Variants in ERC1 observed in about 807,000 individuals in gnomAD.
ERC1 encodes ELKS/RAB6-interacting/CAST family member 1.
A neutral mutation model predicts 132.0 loss-of-function variants in ERC1; 56 were observed. The ratio of observed to expected loss-of-function variants is 0.42; its 90% CI spans 0.34 to 0.53. ERC1 has a LOEUF of 0.53. Ranked by LOEUF, ERC1 falls within the 20% of genes least tolerant of loss-of-function variation. The probability of loss-of-function intolerance (pLI) is 0.03; values close to 1 mark genes in which losing one functional copy is unlikely to be tolerated. For missense variants in ERC1, 1,202 were observed against 1,349.9 expected (o/e 0.89, Z 1.72); for synonymous variants, 478 against 476.1 (o/e 1.00, Z -0.05).
chr12:1,204,842 GCT>G (rs928009531), intron 12 of ERC1, among the ~76,000 whole-genome samples: 34 of 152,272 alleles, frequency 2.2e-4, no homozygotes, highest in African/African-American at 7.7e-4. Flanking sequence ...AGACATTCTG[GCT>G]ATTAAACGGG....
intron 17 of ERC1, among the ~76,000 whole-genome samples, chr12:1,428,818 A>T (rs200721850): frequency 1.3e-5 from 2 of 152,344 alleles, no homozygotes; most frequent in East Asian, 3.9e-4. Flanking sequence ...TATCAACCAA[A>T]ATAAAAGAGC....
chr12:1,211,008 G>A (rs1594248957), intron 12 of ERC1, among the ~76,000 whole-genome samples: 1 of 151,600 alleles, frequency 6.6e-6, no homozygotes, highest in African/African-American at 2.4e-5. Context: ...AATGTAGCTA[G>A]CTGTTTGGCC....
In ERC1 at chr12:1,028,300, G is replaced by A. The variant is rs1967257200; in HGVS notation, c.397G>A (p.Val133Met). 2 of 1,614,058 alleles carry A rather than the reference G, an allele frequency of 1.2e-6. No homozygotes were observed. The highest frequency in any genetic ancestry group is 1.1e-5 in the South Asian group (1 of 91,086). ...ATTTGGAGAGCATCACCTCCCTCCT[G>A]TGAGTATGGCATCCACTGTACCTCA... ...IAFGEHHLPP[V>M]SMASTVPHSL... The change falls in exon 2 of 19, where the codon GTG becomes ATG. Residue 133 changes from valine to methionine, a missense_variant. Val to Met is a conservative substitution (Grantham distance 21). Transcript: ENST00000360905.
intron 18 of ERC1, among the ~76,000 whole-genome samples, chr12:1,484,122 G>A (rs534670811): frequency 0.044 from 6,674 of 151,408 alleles, 501 homozygotes; most frequent in African/African-American, 0.15. Flanking sequence ...TGGCTAACAT[G>A]GTGAAACCCC....
chr12:1,324,547 T>C (rs2082325784), intron 15 of ERC1, among the ~76,000 whole-genome samples: 1 of 152,156 alleles, frequency 6.6e-6, no homozygotes, highest in Non-Finnish European at 1.5e-5. Flanking sequence ...ACTGGGGTAA[T>C]CCAGTCAGAG....
chr12:1,103,064 A>G (rs1944857788), intron 3 of ERC1, among the ~76,000 whole-genome samples: 1 of 152,094 alleles, frequency 6.6e-6, no homozygotes, highest in Non-Finnish European at 1.5e-5. Flanking sequence ...GCATGACGTC[A>G]TTTTCCTCTG....
At chr12:1,313,965 CAG>C (rs1834032348) in intron 15 of ERC1, among the ~76,000 whole-genome samples, 1 of 152,116 alleles carries the variant, frequency 6.6e-6, no homozygotes, top group African/African-American at 2.4e-5. Context: ...GCCTGGGCAA[CAG>C]AGTGAGACTC....
chr12:1,208,104 G>A lies in ERC1; in HGVS notation c.2351+18052G>A, dbSNP rs113482293. On this transcript the variant is annotated intron_variant, in intron 12 of 18. Transcript: ENST00000360905. ...TATATGAATTGGATGACATTTTCCC[G>A]TTTCACAGATCAGAAAATTGACTTT... Among the ~76,000 whole-genome samples the A allele has an allele frequency of 1.3e-3, 191 of 152,170 alleles. 1 individual carries two copies. Among genetic ancestry groups the A allele is most frequent in the African/African-American group, 4.0e-3 (165 of 41,486 alleles).
chr12:1,012,493 A>G (rs2154139745), intron 1 of ERC1, among the ~76,000 whole-genome samples: 1 of 59,650 alleles, frequency 1.7e-5, no homozygotes, highest in African/African-American at 6.5e-5. Context: ...TTTTTTTTTG[A>G]GACAGAGTCT....
At chr12:1,105,727 A>T (rs947818849) in intron 4 of ERC1, among the ~76,000 whole-genome samples, 1 of 152,188 alleles carries the variant, frequency 6.6e-6, no homozygotes, top group Non-Finnish European at 1.5e-5. Context: ...TCTTTTAAAA[A>T]TTTTATTTCT....
At chr12:1,342,464 G>A (rs2084000916) in intron 15 of ERC1, among the ~76,000 whole-genome samples, 1 of 122,478 alleles carries the variant, frequency 8.2e-6, no homozygotes, top group Admixed American at 8.2e-5. Flanking sequence ...GCGAAACTCT[G>A]TCTCAAAAAA....
intron 14 of ERC1, among the ~76,000 whole-genome samples, chr12:1,285,494 G>C (rs933007445): frequency 7.9e-5 from 12 of 151,990 alleles, no homozygotes; most frequent in Non-Finnish European, 1.5e-4. Context: ...AATGATAGAG[G>C]GTTCACAACT....
intron 12 of ERC1, among the ~76,000 whole-genome samples, chr12:1,222,806 A>G (rs559126692): frequency 1.2e-4 from 18 of 152,344 alleles, no homozygotes; most frequent in South Asian, 2.1e-4. Context: ...CAAAACAGCC[A>G]GTAGAATTGT....
intron 2 of ERC1, among the ~76,000 whole-genome samples, chr12:1,031,631 C>A (rs895097032): frequency 2.0e-5 from 3 of 152,088 alleles, no homozygotes; most frequent in African/African-American, 4.8e-5. Flanking sequence ...ACTTTTTAAT[C>A]AATTATTAAG....
intron 17 of ERC1, among the ~76,000 whole-genome samples, chr12:1,440,272 T>C (rs34598688): frequency 1.4e-5 from 2 of 141,012 alleles, no homozygotes; most frequent in Non-Finnish European, 3.0e-5. Context: ...TGGTGCCATC[T>C]CGGCTCACTG....
chr12:1,185,009 C>CA (rs1458287195), intron 11 of ERC1, among the ~76,000 whole-genome samples: 2 of 152,190 alleles, frequency 1.3e-5, no homozygotes, highest in African/African-American at 4.8e-5. Context: ...CTCCCGGTCT[C>CA]AGGTGATTCT....
chr12:1,151,296 G>A (rs1243582959), intron 8 of ERC1, among the ~76,000 whole-genome samples: 1 of 152,188 alleles, frequency 6.6e-6, no homozygotes, highest in Non-Finnish European at 1.5e-5. Context: ...CATTAAGGTT[G>A]TATGAATTTA....
rs1256677671 is a variant in ERC1 at position 1,400,908 on chromosome 12, ATTTTTGTATTTTTTTTTTTTT to A, written c.2926-7235_2926-7215del. ...CTTCTCATTCAATATTGTTTTGGCT[ATTTTTGTATTTTTTTTTTTTT>A]TTTTTTTTTTTTTTTTTTTTTTTTG... On this transcript the variant is annotated intron_variant, in intron 16 of 18. Coordinates refer to ENST00000360905, the MANE Select transcript of ERC1 (RefSeq NM_178040.4). 8.1e-4 allele frequency among the ~76,000 whole-genome samples: 35 copies of A among 43,408 alleles called. 2 individuals are homozygous for A. Among genetic ancestry groups the A allele is most frequent in the Admixed American group, 1.6e-3 (6 of 3,790 alleles). The allele number at this position is 43,408 out of a possible 152,430, so 28.5% of individuals were successfully genotyped here. A position where few individuals can be genotyped will look rare whatever the true frequency, so the allele number is the denominator to read the frequency against.
chr12:1,289,084 T>TACACAC lies in ERC1; in HGVS notation c.2620-726_2620-721dup, dbSNP rs57334239. On this transcript the variant is annotated intron_variant, in intron 14 of 18. Transcript: ENST00000360905. ...TTCTGTCTCCTTTCTATCTGGTATGTACACACACACACACACACACACACA... is the reference window on the plus strand; with the variant it reads ...TTCTGTCTCCTTTCTATCTGGTATGTACACACACACACACACACACACACACACACA... 3.0e-3 allele frequency among the ~76,000 whole-genome samples: 310 copies of TACACAC among 102,874 alleles called. 3 individuals are homozygous for TACACAC. Among genetic ancestry groups the TACACAC allele is most frequent in the East Asian group, 0.027 (98 of 3,634 alleles). 67.5% of individuals were successfully genotyped at this position (102,874 alleles called of 152,430 possible).
Sources: allele counts gnomAD v4.1 joint callset (sites outside exome capture counted in the v4.1 genomes callset), GRCh38; gene constraint gnomAD v4.1.1; transcripts MANE v1.5; gene names NCBI Gene and HGNC (gene_info 2026-07-23, HGNC 2026-07-21).